Variants in PLA2R1 observed in about 807,000 individuals in gnomAD.
PLA2R1 encodes the protein secretory phospholipase A2 receptor.
A neutral mutation model predicts 195.9 loss-of-function variants in PLA2R1; 158 were observed. The observed-to-expected ratio is 0.81, with a 90% confidence interval of 0.71 to 0.92. PLA2R1 has a LOEUF of 0.92. Ranked by LOEUF, PLA2R1 falls within the 40% of genes least tolerant of loss-of-function variation. PLA2R1 has a pLI of 0.00. For synonymous variants in PLA2R1, 586 were observed against 598.2 expected (o/e 0.98, Z 0.30); for missense variants, 1,626 against 1,764.6 (o/e 0.92, Z 1.41).
intron 3 of PLA2R1, among the ~76,000 whole-genome samples, chr2:160,036,468 GC>G (rs1204380257): frequency 6.6e-6 from 1 of 152,166 alleles, no homozygotes; most frequent in African/African-American, 2.4e-5. Context: ...GGGGAAAGCT[GC>G]CCCTACCCCA....
intron 20 of PLA2R1, among the ~76,000 whole-genome samples, chr2:159,966,940 G>A (rs1688827090): frequency 1.3e-5 from 2 of 151,988 alleles, no homozygotes; most frequent in Admixed American, 6.6e-5. Context: ...ATCCCCACTG[G>A]CAATTTTTTT....
intron 4 of PLA2R1, among the ~76,000 whole-genome samples, chr2:160,030,089 C>T (rs13388112): frequency 0.51 from 77,536 of 152,054 alleles, 21,437 homozygotes; most frequent in Non-Finnish European, 0.63. Flanking sequence ...GGATGATAGA[C>T]TGTATGATTA....
intron 11 of PLA2R1, among the ~76,000 whole-genome samples, chr2:159,988,190 G>C (rs1690496756): frequency 6.8e-6 from 1 of 146,628 alleles, no homozygotes; most frequent in African/African-American, 2.5e-5. Context: ...AAATTTCAGT[G>C]AAGAACAGTA....
At chr2:160,050,444 T>A (rs1003666363) in intron 1 of PLA2R1, among the ~76,000 whole-genome samples, 1 of 151,858 alleles carries the variant, frequency 6.6e-6, no homozygotes, top group Non-Finnish European at 1.5e-5. Flanking sequence ...CTCTTTCACT[T>A]TTTTTTTTCC....
rs149407201 is a variant in PLA2R1, at chr2:159,946,624, C to T, written c.3967+177G>A. The T allele has an allele frequency of 1.5e-6, 2 of 1,321,032 alleles. 1 individual carries two copies. Among genetic ancestry groups the T allele is most frequent in the East Asian group, 6.3e-5 (2 of 31,738 alleles). The allele number at this position is 1,321,032 out of a possible 1,614,324, so 81.8% of individuals were successfully genotyped here. On this transcript the variant is annotated intron_variant, in intron 27 of 29. Coordinates refer to ENST00000283243, the MANE Select transcript of PLA2R1 (RefSeq NM_007366.5). The stretch of plus-strand genomic sequence containing the variant: ...GGTGTTCTGGGATTATTTTAAAAGA[C>T]AAAAGGGTAAAGAAAAGGGTTGCAA...
At chr2:160,034,808 C>CCTGT (rs1694074766) in intron 3 of PLA2R1, among the ~76,000 whole-genome samples, 1 of 152,036 alleles carries the variant, frequency 6.6e-6, no homozygotes, top group African/African-American at 2.4e-5. Flanking sequence ...GTGTCTCATG[C>CCTGT]CTGTAATCCC....
At chr2:159,994,002 A>G (rs1384063677) in intron 11 of PLA2R1, among the ~76,000 whole-genome samples, 2 of 152,066 alleles carry the variant, frequency 1.3e-5, no homozygotes, top group Admixed American at 6.6e-5. Flanking sequence ...GGACTATCCC[A>G]GCTATAAGTG....
chr2:160,053,356 G>A (rs955187334), intron 1 of PLA2R1, among the ~76,000 whole-genome samples: 1 of 150,544 alleles, frequency 6.6e-6, no homozygotes, highest in Non-Finnish European at 1.5e-5. Flanking sequence ...GGTGGGGGGG[G>A]GGGGAACAAT....
intron 13 of PLA2R1, among the ~76,000 whole-genome samples, chr2:159,982,047 T>A (rs1321778573): frequency 6.6e-6 from 1 of 152,168 alleles, no homozygotes; most frequent in African/African-American, 2.4e-5. Flanking sequence ...ATTTCAAGCA[T>A]GAGAACTTAC....
At chr2:160,047,911 G>C (rs145430148) in intron 1 of PLA2R1, among the ~76,000 whole-genome samples, 1 of 152,080 alleles carries the variant, frequency 6.6e-6, no homozygotes, top group Admixed American at 6.5e-5. Context: ...CTGAGGCCTC[G>C]GCCTCCCAGG....
rs570009383 is a variant in PLA2R1 at position 159,997,642 on chromosome 2, T to C, written c.1834+8010A>G. 7.2e-5 allele frequency among the ~76,000 whole-genome samples: 11 copies of C among 152,218 alleles called. No homozygotes were observed. The South Asian group carries it at 2.3e-3, about 32-fold the overall frequency. On this transcript the variant is annotated intron_variant, in intron 11 of 29. Coordinates refer to ENST00000283243, the MANE Select transcript of PLA2R1 (RefSeq NM_007366.5). ...ACAGTTTTTAACCCTTAGAGTTGTC[T>C]GTGTTGAGCCTCCAGCAGTTTTATC...
At chr2:160,013,971 T>A (rs1692565650) in intron 9 of PLA2R1, among the ~76,000 whole-genome samples, 1 of 152,118 alleles carries the variant, frequency 6.6e-6, no homozygotes, top group African/African-American at 2.4e-5. Flanking sequence ...AGATAGAGAT[T>A]TTAGAATTGA....
intron 9 of PLA2R1, among the ~76,000 whole-genome samples, chr2:160,013,693 C>G (rs1374510753): frequency 2.1e-5 from 3 of 140,654 alleles, no homozygotes; most frequent in Non-Finnish European, 3.0e-5. Flanking sequence ...CTCTCTCTCT[C>G]TCTCTCTCTG....
At chr2:159,955,153 G>C (rs370028914) in intron 23 of PLA2R1, 46 bp downstream of exon 23, 21 of 1,474,886 alleles carry the variant, frequency 1.4e-5, no homozygotes, top group Non-Finnish European at 1.9e-5. Context: ...GAAAGAGAAG[G>C]ATGGACTTTG....
rs1694545070 is a variant in PLA2R1 at position 160,041,941 on chromosome 2, C to T, written c.667+84G>A. 24 of 1,048,194 alleles carry T rather than the reference C, an allele frequency of 2.3e-5. No homozygotes were observed. In the South Asian group the frequency reaches 3.5e-4, roughly 15 times the overall value. The allele number at this position is 1,048,194 out of a possible 1,614,324, so 64.9% of individuals were successfully genotyped here. A position where few individuals can be genotyped will look rare whatever the true frequency, so the allele number is the denominator to read the frequency against. ...TATTCAGACTTCAATATATCAATCCCAGTGCTTTTGTTTAGATACAGATAA... is the reference window on the plus strand; with the variant it reads ...TATTCAGACTTCAATATATCAATCCTAGTGCTTTTGTTTAGATACAGATAA... On this transcript the variant is annotated intron_variant, in intron 3 of 29. Coordinates refer to ENST00000283243, the MANE Select transcript of PLA2R1 (RefSeq NM_007366.5).
At chr2:160,022,992 T>C in intron 6 of PLA2R1, 133 bp from the exon 7 acceptor site, 2 of 625,694 alleles carry the variant, frequency 3.2e-6, no homozygotes, top group South Asian at 4.5e-5. Flanking sequence ...ATGACATATA[T>C]CATGGAATTC....
chr2:160,056,399 TC>T (rs1407933410), intron 1 of PLA2R1, among the ~76,000 whole-genome samples: 1 of 152,172 alleles, frequency 6.6e-6, no homozygotes, highest in Non-Finnish European at 1.5e-5. Context: ...CCTGACCTCC[TC>T]TGCTGTGAGG....
intron 10 of PLA2R1, among the ~76,000 whole-genome samples, chr2:160,007,463 C>T (rs951710522): frequency 6.6e-6 from 1 of 152,194 alleles, no homozygotes; most frequent in African/African-American, 2.4e-5. Context: ...TCCCCCGAGG[C>T]CTTAGCTGGA....
chr2:159,926,931 C>T, the PLA2R1 span, among the ~76,000 whole-genome samples: 3 of 152,136 alleles, frequency 2.0e-5, no homozygotes, highest in African/African-American at 4.8e-5. Context: ...TGCTAGGTTC[C>T]AGCAAGGCAA....
Sources: gnomAD v4.1 joint callset for allele counts (sites outside exome capture counted in the v4.1 genomes callset) on GRCh38, gnomAD v4.1.1 for gene constraint, MANE v1.5 for transcripts, NCBI Gene and HGNC (gene_info 2026-07-23, HGNC 2026-07-21) for gene names.